NCAPH: variants seen among roughly 807,000 people sequenced by gnomAD.
The protein encoded by NCAPH is condensin complex subunit 2.
A neutral mutation model predicts 85.5 loss-of-function variants in NCAPH; 38 were observed. That is an observed-to-expected ratio of 0.44 (90% CI 0.34 to 0.58). The LOEUF is 0.58. NCAPH is among the 20% of genes least tolerant of loss of function. The probability of loss-of-function intolerance (pLI) is 0.01; values close to 1 mark genes in which losing one functional copy is unlikely to be tolerated. For missense variants in NCAPH, 789 were observed against 916.6 expected, an observed-to-expected ratio of 0.86 and a Z score of 1.80; for synonymous variants, 301 against 335.1, an observed-to-expected ratio of 0.90 and a Z score of 1.11.
At position 96,343,162 on chromosome 2, in the gene NCAPH, C is replaced by T. The variant is rs755859062; in HGVS notation, c.457-4C>T. Reference sequence around the variant, plus strand: ...TGTGAGTGCAGCTCTGATTGTTTGACTAGGTGGCTGCGGGTACTCTGGATG... The same window carrying T: ...TGTGAGTGCAGCTCTGATTGTTTGATTAGGTGGCTGCGGGTACTCTGGATG... On this transcript the variant is annotated splice_region_variant and splice_polypyrimidine_tract_variant and intron_variant, in intron 4 of 17. Coordinates refer to ENST00000240423, the MANE Select transcript of NCAPH (RefSeq NM_015341.5). The T allele has an allele frequency of 2.5e-6, 4 of 1,613,772 alleles. No individual in the cohort carries two copies. Among genetic ancestry groups the T allele is most frequent in the East Asian group, 4.5e-5 (2 of 44,902 alleles).
At chr2:96,368,270 G>A (rs1287718582) in intron 15 of NCAPH, among the ~76,000 whole-genome samples, 2 of 152,234 alleles carry the variant, frequency 1.3e-5, no homozygotes, top group East Asian at 1.9e-4. Context: ...GGATGCAAGT[G>A]TGTGTCTTTG....
chr2:96,370,698 G>T (rs2064760777), intron 17 of NCAPH, among the ~76,000 whole-genome samples: 1 of 152,186 alleles, frequency 6.6e-6, no homozygotes, highest in African/African-American at 2.4e-5. Context: ...TTCTGGGTGG[G>T]GAGCAGGTGT....
At chr2:96,358,286 T>C (rs2064550710) in intron 9 of NCAPH, among the ~76,000 whole-genome samples, 1 of 152,218 alleles carries the variant, frequency 6.6e-6, no homozygotes, top group Non-Finnish European at 1.5e-5. Context: ...TTTTTCACTT[T>C]TAGTAGGAAC....
intron 5 of NCAPH, among the ~76,000 whole-genome samples, chr2:96,343,757 G>A (rs2064327436): frequency 6.6e-6 from 1 of 151,418 alleles, no homozygotes; most frequent in African/African-American, 2.4e-5. Flanking sequence ...CTGGTATGCA[G>A]TGGTGTGATC....
At chr2:96,339,522 G>T (rs1195151766) in intron 1 of NCAPH, among the ~76,000 whole-genome samples, 1 of 151,462 alleles carries the variant, frequency 6.6e-6, no homozygotes, top group African/African-American at 2.4e-5. Flanking sequence ...AACCTGGGAG[G>T]CGGAGTTGCA....
chr2:96,339,923 C>G (rs1464580678), intron 1 of NCAPH, among the ~76,000 whole-genome samples: 1 of 151,908 alleles, frequency 6.6e-6, no homozygotes, highest in Non-Finnish European at 1.5e-5. Flanking sequence ...TTTATTTTTA[C>G]TTATTTATTT....
intron 17 of NCAPH, among the ~76,000 whole-genome samples, chr2:96,369,705 A>G (rs1209743837): frequency 2.0e-5 from 3 of 152,222 alleles, no homozygotes; most frequent in African/African-American, 7.2e-5. Context: ...TGAAAATAGC[A>G]CAGAGGACCC....
rs771787595 is a variant in NCAPH, at chr2:96,374,562, C to T, written c.*1211C>T. Among the ~76,000 whole-genome samples the T allele has an allele frequency of 2.6e-5, 4 of 152,188 alleles. No homozygotes were observed. The highest frequency in any genetic ancestry group is 2.9e-5 in the Non-Finnish European group (2 of 68,042). On this transcript the variant is annotated 3_prime_UTR_variant, in exon 18 of 18. Transcript: ENST00000240423. ...CAGTGAAGTATATAATTGGAAATTG[C>T]TCCTGATAATAACTTCCTTCTTAGC...
rs138337348 is a variant in NCAPH at position 96,351,797 on chromosome 2, G to A, written c.721-34G>A. On this transcript the variant is annotated intron_variant, in intron 6 of 17. Coordinates refer to ENST00000240423, the MANE Select transcript of NCAPH (RefSeq NM_015341.5). The stretch of plus-strand genomic sequence containing the variant: ...TTTATCTTTCCCTTGGCTACATGCC[G>A]TAAATCTTCAGTTTCTTCTCTCTCT... 286 of 1,543,558 alleles carry A rather than the reference G, an allele frequency of 1.9e-4. 1 individual carries two copies. The East Asian group carries it at 4.3e-3, about 23-fold the overall frequency.
chr2:96,376,566 G>A lies in NCAPH; in HGVS notation c.*3215G>A, dbSNP rs2064833893. ...GGTGCCCTAGAAATTCTGCTGTGGT[G>A]CAACTATAGTGGATCACAGGCAGAG... is the stretch of plus-strand genomic sequence containing the variant. On this transcript the variant is annotated 3_prime_UTR_variant, in exon 18 of 18. Coordinates refer to ENST00000240423, the MANE Select transcript of NCAPH (RefSeq NM_015341.5). Among the ~76,000 whole-genome samples the A allele has an allele frequency of 2.0e-5, 3 of 152,188 alleles. No individual in the cohort carries two copies. Among genetic ancestry groups the A allele is most frequent in the Admixed American group, 2.0e-4 (3 of 15,276 alleles).
intron 2 of NCAPH, 57 bp downstream of exon 2, chr2:96,341,951 A>G: frequency 6.2e-7 from 1 of 1,604,356 alleles, no homozygotes; most frequent in South Asian, 1.1e-5. Flanking sequence ...TGGGCTGCGT[A>G]GGTCCAGGCA....
rs1438622553 is a variant in NCAPH at position 96,342,129 on chromosome 2, TC to T, written c.354del (p.Thr119LeufsTer15). Reference protein sequence around the residue: ...TEHYSTCIKLSTENKITTKNA... With the variant: ...TEHYSTCIKLXTENKITTKNA... The stretch of plus-strand genomic sequence containing the variant: ...ACATTACTCCACCTGTATCAAACTG[TC>T]CACTGAAAATGTGAGTATTTGCTGG... On this transcript the variant is annotated frameshift_variant, in exon 3 of 18. Transcript: ENST00000240423. LOFTEE classifies it high-confidence loss of function. The T allele has an allele frequency of 6.2e-7, 1 of 1,607,886 alleles. No homozygotes were observed.
intron 14 of NCAPH, among the ~76,000 whole-genome samples, chr2:96,366,557 T>C (rs570263312): frequency 2.9e-4 from 44 of 152,314 alleles, no homozygotes; most frequent in African/African-American, 1.0e-3. Context: ...AAATTAGATT[T>C]GATATGAGGG....
intron 13 of NCAPH, among the ~76,000 whole-genome samples, chr2:96,365,034 C>G (rs991648611): frequency 1.3e-5 from 2 of 152,136 alleles, no homozygotes; most frequent in African/African-American, 4.8e-5. Context: ...GACCAGATTT[C>G]TAGCTGTGAA....
At chr2:96,361,108 G>A (rs991955945) in intron 12 of NCAPH, among the ~76,000 whole-genome samples, 20 of 136,222 alleles carry the variant, frequency 1.5e-4, no homozygotes, top group African/African-American at 5.0e-4. Flanking sequence ...GAGTGCAATG[G>A]TGCAGTCTTG....
chr2:96,367,946 C>T (rs2064722166), intron 15 of NCAPH, among the ~76,000 whole-genome samples: 1 of 152,128 alleles, frequency 6.6e-6, no homozygotes, highest in Admixed American at 6.5e-5. Context: ...ATGTTTAAAC[C>T]TTTTGATCTA....
intron 9 of NCAPH, among the ~76,000 whole-genome samples, chr2:96,358,608 A>T (rs1311893198): frequency 3.3e-5 from 5 of 152,056 alleles, no homozygotes; most frequent in African/African-American, 1.2e-4. Context: ...AGCTGGGACT[A>T]CAGGCGCCCG....
chr2:96,373,560 C>T lies in NCAPH; in HGVS notation c.*209C>T. On this transcript the variant is annotated 3_prime_UTR_variant, in exon 18 of 18. Transcript: ENST00000240423. ...TCCGTGCTCAACTGATTAAACTTTA[C>T]TGCCCTATGGTGACCATCTAGGAGA... 1 of 542,994 alleles carries T rather than the reference C, an allele frequency of 1.8e-6. No homozygotes were observed. The allele number at this position is 542,994 out of a possible 1,614,324, so 33.6% of individuals were successfully genotyped here.
At chr2:96,344,332 C>G in intron 6 of NCAPH, 103 bp downstream of exon 6, 1 of 1,344,364 alleles carries the variant, frequency 7.4e-7, no homozygotes. Flanking sequence ...CCTGTTTAAG[C>G]CTCAAGGGAG....
Sources: gnomAD v4.1 joint callset for allele counts (sites outside exome capture counted in the v4.1 genomes callset) on GRCh38, gnomAD v4.1.1 for gene constraint, MANE v1.5 for transcripts, NCBI Gene and HGNC (gene_info 2026-07-23, HGNC 2026-07-21) for gene names.